The following ZNF442 variants were observed in gnomAD, a reference collection of about 807,000 sequenced individuals.
ZNF442 encodes zinc finger protein 442.
ZNF442 carries 45 observed loss-of-function variants against 57.0 expected under a neutral mutation model. That is an observed-to-expected ratio of 0.79 (90% CI 0.62 to 1.01). ZNF442 has a LOEUF of 1.01. ZNF442 is among the 50% of genes least tolerant of loss of function. ZNF442 has a pLI of 0.00. For missense variants in ZNF442, 690 were observed against 756.5 expected (o/e 0.91, Z 1.03); for synonymous variants, 213 against 241.8 (o/e 0.88, Z 1.10).
At chr19:12,363,407 T>C (rs1460157037) in intron 3 of ZNF442, 147 bp downstream of exon 3, 4 of 695,166 alleles carry the variant, frequency 5.8e-6, no homozygotes, top group Non-Finnish European at 1.0e-5. Flanking sequence ...GGGACATTAG[T>C]CACCCCCATC....
chr19:12,371,446 T>C, the ZNF442 span, among the ~76,000 whole-genome samples: 3 of 152,212 alleles, frequency 2.0e-5, no homozygotes, highest in Non-Finnish European at 4.4e-5. Flanking sequence ...TAGACAGTTG[T>C]GAAAACAGGG....
the ZNF442 span, among the ~76,000 whole-genome samples, chr19:12,371,425 T>C: frequency 6.6e-6 from 1 of 152,228 alleles, no homozygotes; most frequent in African/African-American, 2.4e-5. Flanking sequence ...TATTATATAC[T>C]TACTTTTTCC....
chr19:12,354,882 C>A (rs1969300937), intron 3 of ZNF442, among the ~76,000 whole-genome samples: 1 of 152,136 alleles, frequency 6.6e-6, no homozygotes, highest in African/African-American at 2.4e-5. Context: ...ATGTGTTAAT[C>A]AATTGTTTTT....
At chr19:12,363,074 G>C (rs532476716) in intron 3 of ZNF442, among the ~76,000 whole-genome samples, 46 of 146,708 alleles carry the variant, frequency 3.1e-4, no homozygotes, top group African/African-American at 1.1e-3. Flanking sequence ...TGGGAGGATC[G>C]TTTGAACCCA....
At chr19:12,370,480 C>A (rs1470671327), upstream of ZNF442, among the ~76,000 whole-genome samples, 1 of 152,000 alleles carries the variant, frequency 6.6e-6, no homozygotes, top group Non-Finnish European at 1.5e-5. Flanking sequence ...GGTACCGATC[C>A]ATGGCCCAGG....
intron 4 of ZNF442, 34 bp from the exon 5 acceptor site, chr19:12,352,104 T>C (rs1181008807): frequency 6.3e-7 from 1 of 1,589,120 alleles, no homozygotes; most frequent in Admixed American, 1.8e-5. Flanking sequence ...CACTGTAGAT[T>C]ATTATAAAAT....
chr19:12,355,247 C>A (rs866774459), intron 3 of ZNF442, among the ~76,000 whole-genome samples: 2 of 143,300 alleles, frequency 1.4e-5, no homozygotes, highest in South Asian at 2.3e-4. Flanking sequence ...GCCGAGATCG[C>A]GCCACTGCAC....
Position 12,349,657 on chromosome 19 carries a change from C to T in ZNF442, c.*44G>A. ...GGCTTATCTCCTATGTGATTTCTTT[C>T]ACGTTTCTGAAATGAAATAAAATTA... On this transcript the variant is annotated 3_prime_UTR_variant, in exon 6 of 6. Coordinates refer to ENST00000242804, the MANE Select transcript of ZNF442 (RefSeq NM_030824.3). 6.5e-7 allele frequency: 1 copy of T among 1,539,788 alleles called. No individual in the cohort carries two copies. Among genetic ancestry groups the T allele is most frequent in the African/African-American group, 1.4e-5 (1 of 72,442 alleles).
At position 12,363,591 on chromosome 19, in the gene ZNF442, A is replaced by T. The variant is rs1969476176; in HGVS notation, c.41T>A (p.Leu14His). 1 of 1,614,224 alleles carries T rather than the reference A, an allele frequency of 6.2e-7. No individual in the cohort carries two copies. The highest frequency in any genetic ancestry group is 1.3e-5 in the African/African-American group (1 of 75,064). The change falls in exon 3 of 6, where the codon CTT (leucine) becomes CAT (histidine). Residue 14 changes from leucine (L) to histidine (H), a missense_variant. Coordinates refer to ENST00000242804, the MANE Select transcript of ZNF442 (RefSeq NM_030824.3). The stretch of plus-strand genomic sequence containing the variant: ...CTCTTCATTAGTCTGAGAGTCAGGA[A>T]GGAAGAGATCACTTCTGTCTTCTCC... The part of the protein sequence containing the change: ...FGGEDRSDLF[L>H]PDSQTNEERK...
intron 3 of ZNF442, 72 bp from the exon 4 acceptor site, chr19:12,353,186 A>T: frequency 1.4e-6 from 2 of 1,467,800 alleles, no homozygotes; most frequent in Non-Finnish European, 1.8e-6. Flanking sequence ...CCACTTCATA[A>T]ACTTTGCATA....
chr19:12,371,547 G>C, the ZNF442 span, among the ~76,000 whole-genome samples: 1 of 152,270 alleles, frequency 6.6e-6, no homozygotes, highest in African/African-American at 2.4e-5. Context: ...TTACTGTGTT[G>C]ATTTAAATTC....
At chr19:12,358,692 A>G (rs1969375642) in intron 3 of ZNF442, among the ~76,000 whole-genome samples, 1 of 152,220 alleles carries the variant, frequency 6.6e-6, no homozygotes, top group African/African-American at 2.4e-5. Flanking sequence ...TACAAACTCT[A>G]GGTCAGTTAT....
chr19:12,362,528 C>CA (rs1969450298), intron 3 of ZNF442, among the ~76,000 whole-genome samples: 2 of 151,428 alleles, frequency 1.3e-5, no homozygotes, highest in African/African-American at 4.9e-5. Flanking sequence ...GCCCGGCAGC[C>CA]GCCCCCTCCA....
At position 12,350,961 on chromosome 19, in the gene ZNF442, A is replaced by T; in HGVS notation, c.624T>A (p.Pro208=). 2 of 1,614,222 alleles carry T rather than the reference A, an allele frequency of 1.2e-6. No homozygotes were observed. Among genetic ancestry groups the T allele is most frequent in the Non-Finnish European group, 1.7e-6 (2 of 1,180,046 alleles). The change falls in exon 6 of 6, where the codon CCT becomes CCA. Residue 208 remains proline, a synonymous_variant. Transcript: ENST00000242804. Reference sequence around the variant, plus strand: ...CTTTCCCACACAACTTACATATATAAGGTCCACCTCCACGTTGTACTATTA... The same window carrying T: ...CTTTCCCACACAACTTACATATATATGGTCCACCTCCACGTTGTACTATTA... The part of the protein sequence containing the change: ...RHIIVQRGGG[P]YICKLCGKAF...
intron 3 of ZNF442, among the ~76,000 whole-genome samples, chr19:12,361,807 T>C (rs1969432580): frequency 6.6e-6 from 1 of 151,672 alleles, no homozygotes; most frequent in South Asian, 2.1e-4. Flanking sequence ...CTCGGCTCAC[T>C]GCAACCTCCC....
chr19:12,364,695 T>C (rs1349410837), intron 2 of ZNF442, 107 bp downstream of exon 2: 1 of 152,256 alleles, frequency 6.6e-6, no homozygotes, highest in Non-Finnish European at 1.5e-5. Context: ...TCAGTCACCC[T>C]GGGAAGAAAA....
chr19:12,356,829 T>C (rs1969338892), intron 3 of ZNF442, among the ~76,000 whole-genome samples: 1 of 141,374 alleles, frequency 7.1e-6, no homozygotes, highest in South Asian at 2.3e-4. Flanking sequence ...ACATACATGG[T>C]CTGAGAGCTG....
At chr19:12,362,478 G>A (rs957119631) in intron 3 of ZNF442, among the ~76,000 whole-genome samples, 6 of 151,212 alleles carry the variant, frequency 4.0e-5, no homozygotes, top group Admixed American at 6.6e-5. Flanking sequence ...GAGCCCCTCC[G>A]CCCAGCAGCC....
chr19:12,362,809 G>T (rs1244162897), intron 3 of ZNF442, among the ~76,000 whole-genome samples: 1 of 151,488 alleles, frequency 6.6e-6, no homozygotes, highest in East Asian at 1.9e-4. Context: ...TCAGATTGTT[G>T]TTGTGTCTGT....
Sources: gnomAD v4.1 joint callset for allele counts (sites outside exome capture counted in the v4.1 genomes callset) on GRCh38, gnomAD v4.1.1 for gene constraint, MANE v1.5 for transcripts, NCBI Gene and HGNC (gene_info 2026-07-23, HGNC 2026-07-21) for gene names.